TMEM92: variants seen among roughly 807,000 people sequenced by gnomAD.
TMEM92 encodes transmembrane protein 92.
TMEM92 carries 15 observed loss-of-function variants against 14.6 expected under a neutral mutation model. The observed-to-expected ratio is 1.03, with a 90% confidence interval of 0.69 to 1.58. TMEM92 has a LOEUF of 1.58. Ranked by LOEUF, TMEM92 falls within the 40% of genes most tolerant of loss-of-function variation. The probability of loss-of-function intolerance (pLI) is 0.00; values close to 1 mark genes in which losing one functional copy is unlikely to be tolerated. For synonymous variants in TMEM92, 85 were observed against 83.3 expected (o/e 1.02, Z -0.11); for missense variants, 174 against 202.4 (o/e 0.86, Z 0.85).
upstream of TMEM92, among the ~76,000 whole-genome samples, chr17:50,272,976 C>T (rs1303433042): frequency 6.6e-6 from 1 of 152,000 alleles, no homozygotes; most frequent in African/African-American, 2.4e-5. Context: ...GGGAGAGACA[C>T]AGAGGGGTTA....
At chr17:50,274,342 T>G (rs1910349089), upstream of TMEM92, 3 of 683,126 alleles carry the variant, frequency 4.4e-6, no homozygotes, top group South Asian at 5.3e-5. Context: ...TGCGCCTCCC[T>G]TCCTCCCTTC....
intron 1 of TMEM92, among the ~76,000 whole-genome samples, chr17:50,275,557 C>G (rs1450850839): frequency 6.6e-6 from 1 of 152,070 alleles, no homozygotes; most frequent in South Asian, 2.1e-4. Flanking sequence ...ACTCCCAGCC[C>G]AAGACCACCC....
rs1910594345 is a variant in TMEM92, at chr17:50,280,789, C to T, written c.*1481C>T. 2.0e-5 allele frequency: 3 copies of T among 152,304 alleles called. No individual in the cohort carries two copies. The highest frequency in any genetic ancestry group is 1.3e-4 in the Admixed American group (2 of 15,282). 9.4% of individuals were successfully genotyped at this position (152,304 alleles called of 1,614,324 possible). ...ACAGGGACTGTCCGGGTGTGGGTTC[C>T]CAGTGAGATAGGGCCCTGGAAGGAG... On this transcript the variant is annotated 3_prime_UTR_variant, in exon 5 of 5. Coordinates refer to ENST00000507382, the MANE Select transcript of TMEM92 (RefSeq NM_153229.3).
Position 50,274,528 on chromosome 17 carries a change from C to T in TMEM92, c.27C>T (p.Leu9=), listed in dbSNP as rs753383412. Residue 9 remains leucine (L), a synonymous_variant, in exon 1 of 5, where the codon CTC becomes CTT. Transcript: ENST00000507382. MSQAWVPG[L]APTLLFSLLA... is the part of the protein sequence containing the mutation. ...TGTCCCAAGCTTGGGTCCCCGGCCTCGCGCCCACCTTGCTGTTCAGCCTGC... is the reference window on the plus strand; with the variant it reads ...TGTCCCAAGCTTGGGTCCCCGGCCTTGCGCCCACCTTGCTGTTCAGCCTGC... 162 of 1,613,860 alleles carry T rather than the reference C, an allele frequency of 1.0e-4. No individual in the cohort carries two copies. The highest frequency in any genetic ancestry group is 1.6e-4 in the Middle Eastern group (1 of 6,082).
chr17:50,279,291 G>A lies in TMEM92; in HGVS notation c.463G>A (p.Asp155Asn), dbSNP rs1228723185. 1 of 1,613,898 alleles carries A rather than the reference G, an allele frequency of 6.2e-7. No homozygotes were observed. The highest frequency in any genetic ancestry group is 1.1e-5 in the South Asian group (1 of 91,056). The change falls in exon 5 of 5, where the codon GAC becomes AAC. Residue 155 changes from aspartate to asparagine, a missense_variant. Transcript: ENST00000507382. Reference sequence around the variant, plus strand: ...ATATACCGGGGATCAGAGGGGCATTGACAACCCGGCCTTCTGAGTCACCTC... The same window carrying A: ...ATATACCGGGGATCAGAGGGGCATTAACAACCCGGCCTTCTGAGTCACCTC... ...EEYTGDQRGI[D>N]NPAF
chr17:50,278,509 C>T, intron 2 of TMEM92, 47 bp from the exon 3 acceptor site: 1 of 1,606,450 alleles, frequency 6.2e-7, no homozygotes, highest in Non-Finnish European at 8.5e-7. Context: ...CCTCTCCATT[C>T]TGGTGCCAGC....
intron 1 of TMEM92, among the ~76,000 whole-genome samples, chr17:50,277,374 T>C (rs1288959351): frequency 2.6e-5 from 4 of 151,320 alleles, no homozygotes; most frequent in Admixed American, 2.0e-4. Flanking sequence ...GTGTCTGCAG[T>C]GACTGAAGGT....
chr17:50,272,632 A>G (rs544769766), upstream of TMEM92, among the ~76,000 whole-genome samples: 441 of 152,324 alleles, frequency 2.9e-3, 2 homozygotes, highest in Non-Finnish European at 5.1e-3. Flanking sequence ...CCAGATCCCA[A>G]TACCCCTCGG....
upstream of TMEM92, among the ~76,000 whole-genome samples, chr17:50,271,691 C>A (rs1910250884): frequency 6.6e-6 from 1 of 152,118 alleles, no homozygotes; most frequent in African/African-American, 2.4e-5. Context: ...ACAGAACATC[C>A]CATTAAATGT....
Position 50,274,499 on chromosome 17 carries a change from A to C in TMEM92, c.-3A>C. The stretch of plus-strand genomic sequence containing the variant: ...AGGAAAGCTCAGTGGCCCCCAAGCC[A>C]GGATGTCCCAAGCTTGGGTCCCCGG... On this transcript the variant is annotated 5_prime_UTR_variant, in exon 1 of 5. Coordinates refer to ENST00000507382, the MANE Select transcript of TMEM92 (RefSeq NM_153229.3). 6.2e-7 allele frequency: 1 copy of C among 1,613,920 alleles called. No individual in the cohort carries two copies. Among genetic ancestry groups the C allele is most frequent in the Non-Finnish European group, 8.5e-7 (1 of 1,179,868 alleles).
At chr17:50,275,462 C>T (rs976829260) in intron 1 of TMEM92, among the ~76,000 whole-genome samples, 2 of 151,998 alleles carry the variant, frequency 1.3e-5, no homozygotes, top group African/African-American at 4.8e-5. Context: ...GCTGGGCATC[C>T]TCTGGTTTAC....
At chr17:50,273,720 A>G (rs907200380), upstream of TMEM92, among the ~76,000 whole-genome samples, 1 of 152,128 alleles carries the variant, frequency 6.6e-6, no homozygotes, top group Non-Finnish European at 1.5e-5. Flanking sequence ...ATGGGGTGAT[A>G]TCCCCCAACC....
rs759882621 is a variant in TMEM92 at position 50,274,588 on chromosome 17, G to A, written c.69+18G>A. 1.2e-6 allele frequency: 2 copies of A among 1,610,524 alleles called. No individual in the cohort carries two copies. The highest frequency in any genetic ancestry group is 1.7e-6 in the Non-Finnish European group (2 of 1,178,318). On this transcript the variant is annotated intron_variant, in intron 1 of 4. Transcript: ENST00000507382. Reference sequence around the variant, plus strand: ...CCCAAAAGGTGAGACTGGGAGGTAAGGTTGTTGAACTTTTGGGCCCTACCC... The same window carrying A: ...CCCAAAAGGTGAGACTGGGAGGTAAAGTTGTTGAACTTTTGGGCCCTACCC...
Position 50,274,574 on chromosome 17 carries a change from A to T in TMEM92, c.69+4A>T. ...CCTGCTGGCTGGCCCCCAAAAGGTG[A>T]GACTGGGAGGTAAGGTTGTTGAACT... On this transcript the variant is annotated splice_donor_region_variant and intron_variant, in intron 1 of 4. Coordinates refer to ENST00000507382, the MANE Select transcript of TMEM92 (RefSeq NM_153229.3). 6.2e-7 allele frequency: 1 copy of T among 1,613,070 alleles called. No individual in the cohort carries two copies. Among genetic ancestry groups the T allele is most frequent in the South Asian group, 1.1e-5 (1 of 90,864 alleles).
intron 1 of TMEM92, 52 bp from the exon 2 acceptor site, chr17:50,277,663 C>A: frequency 6.2e-7 from 1 of 1,612,008 alleles, no homozygotes; most frequent in Non-Finnish European, 8.5e-7. Context: ...GACCCTACCC[C>A]CACTATCCCC....
chr17:50,277,095 G>A (rs1408140223), intron 1 of TMEM92, among the ~76,000 whole-genome samples: 1 of 152,168 alleles, frequency 6.6e-6, no homozygotes, highest in African/African-American at 2.4e-5. Context: ...GGGAGGCGGG[G>A]TCCTGGCAGC....
In TMEM92 at chr17:50,277,796, C is replaced by A. The variant is rs187525214; in HGVS notation, c.95+56C>A. ...GGGAGCGGGGAGGAGCAACCTAAAT[C>A]ATGCCCTGCATGCCTTGGGGGGTGT... On this transcript the variant is annotated intron_variant, in intron 2 of 4. Coordinates refer to ENST00000507382, the MANE Select transcript of TMEM92 (RefSeq NM_153229.3). The A allele has an allele frequency of 3.7e-5, 59 of 1,604,920 alleles. No individual in the cohort carries two copies. The African/African-American group carries it at 5.9e-4, about 16-fold the overall frequency.
intron 2 of TMEM92, 140 bp downstream of exon 2, chr17:50,277,880 C>A: frequency 1.8e-6 from 2 of 1,101,686 alleles, no homozygotes; most frequent in South Asian, 1.4e-5. Flanking sequence ...TGTCCCCCCA[C>A]TTTCCCAGCC....
upstream of TMEM92, chr17:50,274,433 G>T: frequency 6.4e-7 from 1 of 1,558,480 alleles, no homozygotes. Flanking sequence ...CCCCATAGGT[G>T]GAGAGAAGTG....
Sources: allele counts gnomAD v4.1 joint callset (sites outside exome capture counted in the v4.1 genomes callset), GRCh38; gene constraint gnomAD v4.1.1; transcripts MANE v1.5; gene names NCBI Gene and HGNC (gene_info 2026-07-23, HGNC 2026-07-21).